The following FHIT variants were observed in gnomAD, a reference collection of about 807,000 sequenced individuals.
The protein encoded by FHIT is fragile histidine triad diadenosine triphosphatase.
Under a neutral mutation model 17.9 loss-of-function variants are expected in FHIT, and 19 were observed. The observed-to-expected ratio is 1.06, with a 90% CI of 0.74 to 1.56. FHIT has a LOEUF of 1.56. Ranked by LOEUF, FHIT falls within the 40% of genes most tolerant of loss-of-function variation. The pLI, the probability that FHIT is intolerant of heterozygous loss-of-function variation, is 0.00. For missense variants in FHIT, 248 were observed against 189.2 expected (o/e 1.31, Z -1.82); for synonymous variants, 81 against 69.7 (o/e 1.16, Z -0.81).
At chr3:60,931,160 A>C (rs1357582553) in intron 3 of FHIT, among the ~76,000 whole-genome samples, 1 of 151,956 alleles carries the variant, frequency 6.6e-6, no homozygotes, top group African/African-American at 2.4e-5. Flanking sequence ...TGGGAATTGA[A>C]CAATGAGAAC....
At chr3:60,440,533 C>T (rs2030705219) in intron 5 of FHIT, among the ~76,000 whole-genome samples, 2 of 152,078 alleles carry the variant, frequency 1.3e-5, no homozygotes, top group Admixed American at 1.3e-4. Flanking sequence ...ATTTAATTCG[C>T]TCAGCAATCC....
chr3:60,862,229 A>G (rs1335905248), intron 3 of FHIT, among the ~76,000 whole-genome samples: 2 of 151,874 alleles, frequency 1.3e-5, no homozygotes, highest in African/African-American at 4.8e-5. Context: ...CCCAGGCTGG[A>G]GTGCGGCAGT....
intron 4 of FHIT, among the ~76,000 whole-genome samples, chr3:60,773,580 T>G (rs1336564345): frequency 3.9e-5 from 6 of 152,200 alleles, no homozygotes; most frequent in Non-Finnish European, 8.8e-5. Flanking sequence ...TCCAGTATCT[T>G]GCAAATGACC....
chr3:60,356,047 A>G (rs971702769), intron 5 of FHIT, among the ~76,000 whole-genome samples: 4 of 152,216 alleles, frequency 2.6e-5, no homozygotes, highest in Admixed American at 2.0e-4. Flanking sequence ...CCATGAAAGA[A>G]CACTGTAGTT....
chr3:60,534,770 C>G (rs1387644663), intron 5 of FHIT, among the ~76,000 whole-genome samples: 3 of 152,120 alleles, frequency 2.0e-5, no homozygotes, highest in Non-Finnish European at 4.4e-5. Flanking sequence ...AGTAACTGAG[C>G]AGGGTTCATT....
chr3:60,875,656 T>C (rs1704613612), intron 3 of FHIT, among the ~76,000 whole-genome samples: 1 of 152,070 alleles, frequency 6.6e-6, no homozygotes, highest in South Asian at 2.1e-4. Context: ...AAAATGATAA[T>C]TTTTGAGCTC....
chr3:59,754,660 C>T (rs1296998659), intron 8 of FHIT, among the ~76,000 whole-genome samples: 1 of 152,144 alleles, frequency 6.6e-6, no homozygotes, highest in East Asian at 1.9e-4. Context: ...AATTTAGAGC[C>T]TGTGAATGTT....
At chr3:59,987,667 A>G (rs1375618770) in intron 7 of FHIT, among the ~76,000 whole-genome samples, 1 of 152,004 alleles carries the variant, frequency 6.6e-6, no homozygotes, top group Non-Finnish European at 1.5e-5. Context: ...GGAAAGCTTA[A>G]TATGCACTTT....
intron 3 of FHIT, among the ~76,000 whole-genome samples, chr3:60,939,781 T>C (rs570787027): frequency 1.3e-5 from 2 of 152,224 alleles, no homozygotes; most frequent in East Asian, 3.9e-4. Context: ...ATAATACACA[T>C]AGATATACAT....
chr3:60,840,218 A>C (rs76610651), intron 3 of FHIT, among the ~76,000 whole-genome samples: 2,688 of 152,336 alleles, frequency 0.018, 78 homozygotes, highest in African/African-American at 0.061. Flanking sequence ...ATCCTCACCC[A>C]GGCAGGCCAG....
chr3:59,851,924 A>G (rs1355675656), intron 8 of FHIT, among the ~76,000 whole-genome samples: 1 of 152,250 alleles, frequency 6.6e-6, no homozygotes, highest in Admixed American at 6.5e-5. Flanking sequence ...GTAGTCACAC[A>G]TACCTGTAGA....
chr3:60,426,454 G>A (rs769199619), intron 5 of FHIT, among the ~76,000 whole-genome samples: 1 of 151,990 alleles, frequency 6.6e-6, no homozygotes. Flanking sequence ...CCATACTAAA[G>A]ATTAAAAATG....
chr3:60,289,067 C>T (rs1180956306), intron 5 of FHIT, among the ~76,000 whole-genome samples: 3 of 152,142 alleles, frequency 2.0e-5, no homozygotes, highest in Admixed American at 6.5e-5. Flanking sequence ...TTCATAAACA[C>T]TCTCCACAAA....
intron 5 of FHIT, among the ~76,000 whole-genome samples, chr3:60,082,606 T>A (rs954081532): frequency 6.6e-6 from 1 of 152,152 alleles, no homozygotes; most frequent in Non-Finnish European, 1.5e-5. Context: ...TGTATAAGCA[T>A]CCCCCTTTCT....
chr3:60,737,129 C>T (rs1205734388), intron 4 of FHIT, among the ~76,000 whole-genome samples: 2 of 152,158 alleles, frequency 1.3e-5, no homozygotes, highest in Non-Finnish European at 2.9e-5. Flanking sequence ...ATTGCCACTG[C>T]CCCCAGCCTG....
chr3:60,302,003 C>G (rs995575729), intron 5 of FHIT, among the ~76,000 whole-genome samples: 5 of 152,044 alleles, frequency 3.3e-5, no homozygotes, highest in Non-Finnish European at 4.4e-5. Context: ...CCCATATTGA[C>G]TAAATATATT....
chr3:60,446,938 C>T (rs940697984), intron 5 of FHIT, among the ~76,000 whole-genome samples: 3 of 151,582 alleles, frequency 2.0e-5, no homozygotes, highest in African/African-American at 7.3e-5. Context: ...AGGCACCCAT[C>T]TTCTCTCTTA....
At chr3:60,638,786 A>T (rs1238545111) in intron 4 of FHIT, among the ~76,000 whole-genome samples, 1 of 152,032 alleles carries the variant, frequency 6.6e-6, no homozygotes, top group African/African-American at 2.4e-5. Context: ...GACTACAAAA[A>T]TGCAAATCAG....
intron 2 of FHIT, among the ~76,000 whole-genome samples, chr3:61,184,818 ACT>A (rs1265547363): frequency 6.6e-6 from 1 of 152,140 alleles, no homozygotes; most frequent in Non-Finnish European, 1.5e-5. Context: ...CTCAGAATCC[ACT>A]CTAATGAACA....
Sources: allele counts gnomAD v4.1 joint callset (sites outside exome capture counted in the v4.1 genomes callset), GRCh38; gene constraint gnomAD v4.1.1; transcripts MANE v1.5; gene names NCBI Gene and HGNC (gene_info 2026-07-23, HGNC 2026-07-21).